TIAM2: variants seen among roughly 807,000 people sequenced by gnomAD.
TIAM2 encodes the protein rho guanine nucleotide exchange factor TIAM2.
In TIAM2, 80 loss-of-function variants were observed where a neutral mutation model predicts 152.9. That is an observed-to-expected ratio of 0.52 (90% CI 0.44 to 0.63). TIAM2 has a LOEUF of 0.63. Ranked by LOEUF, TIAM2 falls within the 30% of genes least tolerant of loss-of-function variation. The pLI is 0.00. For missense variants in TIAM2, 1,965 were observed against 2,120.1 expected (o/e 0.93, Z 1.44); for synonymous variants, 804 against 838.0 (o/e 0.96, Z 0.70).
chr6:155,235,904 C>T (rs558659799), intron 15 of TIAM2, among the ~76,000 whole-genome samples: 22 of 152,190 alleles, frequency 1.4e-4, no homozygotes, highest in Admixed American at 5.9e-4. Flanking sequence ...TTTTGACATC[C>T]CAGTGAAGCA....
chr6:155,074,170 A>C (rs1777903480), intron 1 of TIAM2, among the ~76,000 whole-genome samples: 1 of 152,186 alleles, frequency 6.6e-6, no homozygotes, highest in Non-Finnish European at 1.5e-5. Flanking sequence ...TATGGCTACA[A>C]GGGATCTAAT....
At chr6:155,010,895 T>A (rs575431698) in intron 1 of TIAM2, among the ~76,000 whole-genome samples, 1 of 152,134 alleles carries the variant, frequency 6.6e-6, no homozygotes, top group South Asian at 2.1e-4. Flanking sequence ...AATACAAAAA[T>A]TAGCCAAATG....
chr6:155,099,511 C>T (rs909251715), intron 2 of TIAM2, among the ~76,000 whole-genome samples: 11 of 151,966 alleles, frequency 7.2e-5, no homozygotes, highest in Middle Eastern at 3.4e-3. Context: ...TCATTTAATC[C>T]GTAGCCATTG....
At chr6:155,239,528 GTT>G (rs1287163074) in intron 15 of TIAM2, among the ~76,000 whole-genome samples, 1 of 152,220 alleles carries the variant, frequency 6.6e-6, no homozygotes, top group Non-Finnish European at 1.5e-5. Flanking sequence ...CTGTGGAAGC[GTT>G]TCACCTGTGA....
At chr6:155,113,215 G>T (rs1017179837) in intron 2 of TIAM2, among the ~76,000 whole-genome samples, 2 of 151,842 alleles carry the variant, frequency 1.3e-5, no homozygotes, top group Non-Finnish European at 2.9e-5. Context: ...CTGCCTCTCC[G>T]GCACTTGCAC....
At chr6:155,208,545 A>C (rs1781644405) in intron 14 of TIAM2, among the ~76,000 whole-genome samples, 1 of 152,106 alleles carries the variant, frequency 6.6e-6, no homozygotes, top group Non-Finnish European at 1.5e-5. Flanking sequence ...CTCCCACTGC[A>C]TGGCCCACAT....
In TIAM2 at chr6:155,256,500, A is replaced by G. The variant is rs1188828464; in HGVS notation, c.4485A>G (p.Leu1495=). 6.2e-7 allele frequency: 1 copy of G among 1,614,076 alleles called. No individual in the cohort carries two copies. Among genetic ancestry groups the G allele is most frequent in the African/African-American group, 1.3e-5 (1 of 74,938 alleles). ...VSAKLASSRS[L]KVLKNSSSNE... ...TCACTGTAGCTTCATCCAGGTCTTT[A>G]AAAGTCCTGAAGAATTCCTCCAGCA... The change falls in exon 27 of 27, where the codon TTA becomes TTG. Residue 1495 remains leucine (L), a synonymous_variant. Transcript: ENST00000682666.
intron 9 of TIAM2, among the ~76,000 whole-genome samples, chr6:155,175,927 C>T (rs559199644): frequency 2.4e-4 from 37 of 152,236 alleles, no homozygotes; most frequent in South Asian, 4.2e-4. Flanking sequence ...AAAGATTTCC[C>T]AGGACTATGG....
Position 155,214,037 on chromosome 6 carries a change from C to T in TIAM2, c.3168+2730C>T, listed in dbSNP as rs143973243. ...GCGGCTACGTGGCTGCAGCAGTACC[C>T]GGGAGGGCGGGGCTCCTTCCTGCTC... On this transcript the variant is annotated intron_variant, in intron 15 of 26. Coordinates refer to ENST00000682666, the MANE Select transcript of TIAM2 (RefSeq NM_012454.4). This position sits in a 1 kb window ranked among gnomAD's most constrained non-coding sequence, Gnocchi z 5.4. Among the ~76,000 whole-genome samples the T allele has an allele frequency of 1.6e-3, 249 of 152,334 alleles. 1 individual carries two copies. The highest frequency in any genetic ancestry group is 5.7e-3 in the African/African-American group (237 of 41,578).
chr6:155,072,896 A>C (rs367710993), intron 1 of TIAM2, among the ~76,000 whole-genome samples: 2 of 152,328 alleles, frequency 1.3e-5, no homozygotes, highest in South Asian at 2.1e-4. Context: ...CGGAGCCTCA[A>C]GAAGTTGCAT....
intron 1 of TIAM2, among the ~76,000 whole-genome samples, chr6:155,007,301 C>T (rs1051673665): frequency 3.9e-5 from 6 of 152,090 alleles, no homozygotes; most frequent in Non-Finnish European, 8.8e-5. Flanking sequence ...ATTTGTAGGC[C>T]AGTCACATAT....
Position 155,244,716 on chromosome 6 carries a change from A to G in TIAM2, c.3476A>G (p.Glu1159Gly). ...EMLEFQKVFL[E>G]TLEDGISASS... The stretch of plus-strand genomic sequence containing the variant: ...CTTGAGTTTCAGAAGGTGTTTCTGG[A>G]GACCCTGGAGGATGGGATTTCAGCA... The change falls in exon 18 of 27, where the codon GAG becomes GGG. Residue 1159 changes from glutamate to glycine, a missense_variant. Physicochemically the swap from Glu to Gly is moderately conservative, Grantham distance 98 (BLOSUM62 -2). Coordinates refer to ENST00000682666, the MANE Select transcript of TIAM2 (RefSeq NM_012454.4). 6.2e-7 allele frequency: 1 copy of G among 1,614,106 alleles called. No homozygotes were observed. Among genetic ancestry groups the G allele is most frequent in the East Asian group, 2.2e-5 (1 of 44,866 alleles).
Position 155,144,750 on chromosome 6 carries a change from A to T in TIAM2, c.1775A>T (p.Asn592Ile). The change falls in exon 6 of 27, where the codon AAC becomes ATC. Residue 592 changes from asparagine (N) to isoleucine (I), a missense_variant. This residue lies in a region of TIAM2 where 1,025 missense variants were observed against 1,119.4 expected (regional missense o/e 0.92). Coordinates refer to ENST00000682666, the MANE Select transcript of TIAM2 (RefSeq NM_012454.4). ...PKKENVFCLS[N>I]SFGDVYLFQA... is the part of the protein sequence containing the mutation. Reference sequence around the variant, plus strand: ...AAAGAAAATGTGTTCTGCCTCAGCAACTCCTTTGGAGATGTCTACCTTTTC... The same window carrying T: ...AAAGAAAATGTGTTCTGCCTCAGCATCTCCTTTGGAGATGTCTACCTTTTC... 1 of 1,610,416 alleles carries T rather than the reference A, an allele frequency of 6.2e-7. No homozygotes were observed. The highest frequency in any genetic ancestry group is 8.5e-7 in the Non-Finnish European group (1 of 1,178,716).
chr6:155,005,327 T>A, intron 1 of TIAM2: 1 of 177,516 alleles, frequency 5.6e-6, no homozygotes, highest in Non-Finnish European at 1.2e-5. Flanking sequence ...GAGTTTTTTG[T>A]TTTTGTTTTT....
chr6:155,205,123 T>G (rs1781564246), intron 14 of TIAM2, among the ~76,000 whole-genome samples: 1 of 136,594 alleles, frequency 7.3e-6, no homozygotes, highest in South Asian at 2.3e-4. Context: ...GAATTAAGTT[T>G]CCAACATGTG....
chr6:155,073,948 A>G (rs1257214930), intron 1 of TIAM2, among the ~76,000 whole-genome samples: 1 of 152,120 alleles, frequency 6.6e-6, no homozygotes, highest in African/African-American at 2.4e-5. Context: ...GGAAAATGCA[A>G]TGTTCTGGAT....
At chr6:155,155,258 C>T (rs1780076925) in intron 7 of TIAM2, among the ~76,000 whole-genome samples, 1 of 152,004 alleles carries the variant, frequency 6.6e-6, no homozygotes. Context: ...CTCACTGCAA[C>T]CTCTGCCTCC....
At chr6:155,181,492 A>C (rs575227081) in intron 12 of TIAM2, among the ~76,000 whole-genome samples, 1 of 152,346 alleles carries the variant, frequency 6.6e-6, no homozygotes, top group African/African-American at 2.4e-5. Flanking sequence ...CATAAAATTT[A>C]TCGTCTTGAC....
chr6:155,017,023 A>T (rs762714184), intron 1 of TIAM2, among the ~76,000 whole-genome samples: 1 of 152,178 alleles, frequency 6.6e-6, no homozygotes, highest in Non-Finnish European at 1.5e-5. Flanking sequence ...AGTTGATCTG[A>T]TGTAGATGAC....
Sources: gnomAD v4.1 joint callset for allele counts (sites outside exome capture counted in the v4.1 genomes callset) on GRCh38, gnomAD v4.1.1 for gene constraint, gnomAD v4.1.1 regional missense constraint, Gnocchi (gnomAD v3.1) non-coding constraint, MANE v1.5 for transcripts, NCBI Gene and HGNC (gene_info 2026-07-23, HGNC 2026-07-21) for gene names.